The following PTPRD variants were observed in gnomAD, a reference collection of about 807,000 sequenced individuals.
The protein encoded by PTPRD is protein tyrosine phosphatase receptor type D, also known as receptor-type tyrosine-protein phosphatase delta.
PTPRD carries 34 observed loss-of-function variants against 214.5 expected under a neutral mutation model. The ratio of observed to expected loss-of-function variants is 0.16; its 90% confidence interval spans 0.12 to 0.21. The LOEUF is 0.21. PTPRD is among the 10% of genes least tolerant of loss of function. PTPRD has a pLI of 1.00. For missense variants in PTPRD, 2,545 were observed against 2,398.7 expected, an observed-to-expected ratio of 1.06 and a Z score of -1.27; for synonymous variants, 1,128 against 845.7, an observed-to-expected ratio of 1.33 and a Z score of -5.79.
intron 5 of PTPRD, among the ~76,000 whole-genome samples, chr9:9,868,166 G>C (rs1043442321): frequency 2.6e-5 from 4 of 152,038 alleles, no homozygotes; most frequent in Non-Finnish European, 5.9e-5. Flanking sequence ...CTAGTGAGTA[G>C]AACAAAAATA....
chr9:9,388,632 A>G lies in PTPRD; in HGVS notation c.-203+8817T>C, dbSNP rs1249871055. On this transcript the variant is annotated intron_variant, in intron 9 of 45. Coordinates refer to ENST00000381196, the MANE Select transcript of PTPRD (RefSeq NM_002839.4). ...TGTTCTCATATACAAGTTTATGAAG[A>G]AACATGACTAAAAAAACAGATTGTA... Among the ~76,000 whole-genome samples, 6 of 152,292 alleles carry G rather than the reference A, an allele frequency of 3.9e-5. No individual in the cohort carries two copies. In the East Asian group the frequency reaches 7.7e-4, roughly 20 times the overall value.
At chr9:9,358,130 C>A (rs892426555) in intron 9 of PTPRD, among the ~76,000 whole-genome samples, 4 of 151,144 alleles carry the variant, frequency 2.6e-5, no homozygotes, top group African/African-American at 9.7e-5. Context: ...GTTTGAAGAC[C>A]TTTTTGAAAC....
chr9:9,867,882 G>A (rs2064381815), intron 5 of PTPRD, among the ~76,000 whole-genome samples: 1 of 152,156 alleles, frequency 6.6e-6, no homozygotes, highest in Admixed American at 6.5e-5. Flanking sequence ...GGGTAGGGGA[G>A]GCAAGTCTTC....
chr9:8,659,478 C>A (rs2096986052), intron 12 of PTPRD, among the ~76,000 whole-genome samples: 1 of 152,180 alleles, frequency 6.6e-6, no homozygotes, highest in African/African-American at 2.4e-5. Context: ...TAAATAAAAA[C>A]CAGTCAAGAG....
intron 39 of PTPRD, among the ~76,000 whole-genome samples, chr9:8,371,401 CCA>C (rs2081467410): frequency 6.6e-6 from 1 of 151,958 alleles, no homozygotes; most frequent in African/African-American, 2.4e-5. Context: ...TGTACATAAG[CCA>C]TGACTCATGC....
intron 6 of PTPRD, among the ~76,000 whole-genome samples, chr9:9,749,745 G>A (rs551498956): frequency 6.6e-6 from 1 of 152,086 alleles, no homozygotes; most frequent in African/African-American, 2.4e-5. Flanking sequence ...CAGTTCATTT[G>A]GAAACCTCAT....
intron 8 of PTPRD, among the ~76,000 whole-genome samples, chr9:9,534,114 A>G (rs1377130355): frequency 6.6e-6 from 1 of 152,090 alleles, no homozygotes; most frequent in African/African-American, 2.4e-5. Context: ...GAGTGCTCTT[A>G]TAAGTTGCTC....
chr9:9,685,629 A>G (rs1485028582), intron 7 of PTPRD, among the ~76,000 whole-genome samples: 2 of 151,366 alleles, frequency 1.3e-5, no homozygotes, highest in Non-Finnish European at 3.0e-5. Flanking sequence ...AAGGAAAAGT[A>G]TGTTGCTTGT....
chr9:8,647,524 T>C, intron 12 of PTPRD, among the ~76,000 whole-genome samples: 1 of 152,212 alleles, frequency 6.6e-6, no homozygotes, highest in East Asian at 1.9e-4. Context: ...AAAGATTACA[T>C]TTAAATTTAT....
intron 3 of PTPRD, among the ~76,000 whole-genome samples, chr9:10,047,986 T>C (rs1362446437): frequency 3.9e-5 from 6 of 152,198 alleles, no homozygotes; most frequent in African/African-American, 1.2e-4. Flanking sequence ...GTTCCCATTA[T>C]AACAGAGTGA....
chr9:9,166,941 A>C (rs1160909744), intron 10 of PTPRD, among the ~76,000 whole-genome samples: 1 of 152,118 alleles, frequency 6.6e-6, no homozygotes, highest in Non-Finnish European at 1.5e-5. Flanking sequence ...ACAACTTAGA[A>C]CCTCACTTTG....
At chr9:9,337,908 A>G (rs887017009) in intron 9 of PTPRD, among the ~76,000 whole-genome samples, 1 of 152,216 alleles carries the variant, frequency 6.6e-6, no homozygotes, top group African/African-American at 2.4e-5. Context: ...ATGTAATAAA[A>G]TGCAACCATA....
intron 3 of PTPRD, among the ~76,000 whole-genome samples, chr9:10,119,000 G>C (rs991743487): frequency 2.0e-5 from 3 of 151,496 alleles, no homozygotes; most frequent in Non-Finnish European, 4.4e-5. Context: ...TGGTCATTTA[G>C]AAAATAGTAA....
intron 2 of PTPRD, among the ~76,000 whole-genome samples, chr9:10,351,286 G>T (rs147575356): frequency 5.9e-5 from 9 of 152,118 alleles, no homozygotes; most frequent in African/African-American, 2.2e-4. Flanking sequence ...AGTTGACTAA[G>T]TATTGAACAT....
intron 4 of PTPRD, among the ~76,000 whole-genome samples, chr9:9,938,951 C>A (rs560488101): frequency 1.3e-5 from 2 of 151,520 alleles, no homozygotes; most frequent in South Asian, 2.1e-4. Context: ...AACAGTAAAT[C>A]AAAATACATT....
chr9:8,706,958 T>C (rs1715699286), intron 12 of PTPRD, among the ~76,000 whole-genome samples: 1 of 152,166 alleles, frequency 6.6e-6, no homozygotes, highest in African/African-American at 2.4e-5. Context: ...AGAACTGAAA[T>C]GGCAGTTCTT....
intron 5 of PTPRD, among the ~76,000 whole-genome samples, chr9:9,770,740 T>C (rs1597334548): frequency 6.6e-6 from 1 of 152,116 alleles, no homozygotes; most frequent in African/African-American, 2.4e-5. Context: ...ACTGCACAGG[T>C]TGAAAATCTG....
intron 11 of PTPRD, among the ~76,000 whole-genome samples, chr9:8,839,144 T>A (rs2097503946): frequency 6.6e-6 from 1 of 152,136 alleles, no homozygotes. Context: ...TATAGAGATT[T>A]AATTCATATA....
chr9:10,283,755 T>C (rs1168207833), intron 3 of PTPRD, among the ~76,000 whole-genome samples: 1 of 152,222 alleles, frequency 6.6e-6, no homozygotes, highest in African/African-American at 2.4e-5. Flanking sequence ...CTAATATCTT[T>C]AGGTTTGTGT....
Sources: gnomAD v4.1 joint callset for allele counts (sites outside exome capture counted in the v4.1 genomes callset) on GRCh38, gnomAD v4.1.1 for gene constraint, MANE v1.5 for transcripts, NCBI Gene and HGNC (gene_info 2026-07-23, HGNC 2026-07-21) for gene names.